Variants in SCN8A observed in about 807,000 individuals in gnomAD.
SCN8A encodes the protein sodium voltage-gated channel alpha subunit 8, also known as sodium channel protein type 8 subunit alpha.
Under a neutral mutation model 184.1 loss-of-function variants are expected in SCN8A, and 30 were observed. The observed-to-expected ratio is 0.16, with a 90% CI of 0.12 to 0.22. The LOEUF (loss-of-function observed/expected upper bound fraction) is 0.22. SCN8A is among the 10% of genes least tolerant of loss of function. The pLI is 1.00. For synonymous variants in SCN8A, 852 were observed against 907.0 expected, an observed-to-expected ratio of 0.94 and a Z score of 1.09; for missense variants, 1,057 against 2,498.9, an observed-to-expected ratio of 0.42 and a Z score of 12.30.
chr12:51,688,708 A>G (rs746440322), intron 5 of SCN8A: 2 of 1,351,394 alleles, frequency 1.5e-6, no homozygotes, highest in Non-Finnish European at 2.1e-6. Context: ...CCATTCTCAA[A>G]CCCTCGCCCA....
chr12:51,806,826 G>A lies in SCN8A; in HGVS notation c.5340G>A (p.Leu1780=). 1 of 1,614,218 alleles carries A rather than the reference G, an allele frequency of 6.2e-7. No homozygotes were observed. The highest frequency in any genetic ancestry group is 8.5e-7 in the Non-Finnish European group (1 of 1,180,038). Residue 1780 remains leucine (L), a synonymous_variant, in exon 27 of 27, where the codon CTG becomes CTA. Coordinates refer to ENST00000627620, the MANE Select transcript of SCN8A (RefSeq NM_001330260.2). The surrounding 1 kb of genome is among the most constrained non-coding windows in gnomAD (Gnocchi z 8.7). ...CCACAGAGGAAAGTGCAGACCCTCT[G>A]AGTGAGGATGACTTTGAGACCTTCT... is the stretch of plus-strand genomic sequence containing the variant. ...SVATEESADP[L]SEDDFETFYE...
chr12:51,758,474 G>T (rs1592146209), intron 14 of SCN8A, among the ~76,000 whole-genome samples: 2 of 152,212 alleles, frequency 1.3e-5, no homozygotes, highest in Non-Finnish European at 2.9e-5. Context: ...GTCTCACTCT[G>T]TCGCCCAGGC....
intron 11 of SCN8A, among the ~76,000 whole-genome samples, chr12:51,711,011 A>G (rs1220345923): frequency 6.6e-6 from 1 of 152,216 alleles, no homozygotes; most frequent in Non-Finnish European, 1.5e-5. Flanking sequence ...AGACTTTTAG[A>G]AATTTGATTT....
intron 24 of SCN8A, among the ~76,000 whole-genome samples, chr12:51,789,712 G>A (rs952173718): frequency 1.3e-5 from 2 of 152,180 alleles, no homozygotes; most frequent in Admixed American, 1.3e-4. Flanking sequence ...GAGCAACAGA[G>A]ATGAAAAGGA....
Position 51,699,892 on chromosome 12 carries a change from C to T in SCN8A, c.928+101C>T, listed in dbSNP as rs190513214. 2.9e-4 allele frequency: 277 copies of T among 962,466 alleles called. No individual in the cohort carries two copies. The African/African-American group carries it at 3.1e-3, about 11-fold the overall frequency. 59.6% of individuals were successfully genotyped at this position (962,466 alleles called of 1,614,324 possible). ...CTTAAAAAAGTAGTTGGAGGCCGGGCGCGGTGGCTCACTCCTATAATCCTA... is the reference window on the plus strand; with the variant it reads ...CTTAAAAAAGTAGTTGGAGGCCGGGTGCGGTGGCTCACTCCTATAATCCTA... On this transcript the variant is annotated intron_variant, in intron 7 of 26. Coordinates refer to ENST00000627620, the MANE Select transcript of SCN8A (RefSeq NM_001330260.2).
chr12:51,684,130 C>G, intron 2 of SCN8A, 44 bp from the exon 3 acceptor site: 2 of 927,722 alleles, frequency 2.2e-6, no homozygotes, highest in African/African-American at 1.6e-5. Context: ...TGTGGTGACT[C>G]ATACCCATGC....
chr12:51,783,426 A>G (rs1036792271), intron 21 of SCN8A, among the ~76,000 whole-genome samples: 22 of 152,206 alleles, frequency 1.4e-4, no homozygotes, highest in African/African-American at 5.1e-4. Flanking sequence ...GATGGGCTCA[A>G]CTGTCACTGT....
At chr12:51,789,897 C>T (rs1387787858) in intron 24 of SCN8A, among the ~76,000 whole-genome samples, 1 of 152,166 alleles carries the variant, frequency 6.6e-6, no homozygotes, top group East Asian at 1.9e-4. Flanking sequence ...AAAAATTGCT[C>T]GTTGCTCATT....
intron 14 of SCN8A, among the ~76,000 whole-genome samples, chr12:51,753,728 CTGGT>C (rs538277823): frequency 6.6e-6 from 1 of 152,270 alleles, no homozygotes; most frequent in South Asian, 2.1e-4. Context: ...CATGCCATCA[CTGGT>C]TGGGAAGATA....
intron 12 of SCN8A, 132 bp from the exon 13 acceptor site, chr12:51,745,771 T>G: frequency 3.5e-6 from 2 of 574,124 alleles, no homozygotes; most frequent in Non-Finnish European, 5.4e-6. Context: ...CTTCTTGAAG[T>G]GAATAGGACT....
intron 16 of SCN8A, chr12:51,766,275 C>T (rs1862667903): frequency 3.7e-6 from 2 of 546,924 alleles, no homozygotes; most frequent in South Asian, 4.7e-5. Context: ...GCAAACTCAG[C>T]AAAATTAAGT....
intron 14 of SCN8A, among the ~76,000 whole-genome samples, chr12:51,752,258 A>G (rs1474058031): frequency 6.6e-6 from 1 of 152,218 alleles, no homozygotes; most frequent in Non-Finnish European, 1.5e-5. Context: ...ATAGTAAAGA[A>G]TTAGTGAGAA....
At chr12:51,639,731 C>T (rs1787329471) in intron 1 of SCN8A, among the ~76,000 whole-genome samples, 1 of 151,728 alleles carries the variant, frequency 6.6e-6, no homozygotes, top group Admixed American at 6.6e-5. Context: ...CATTCTTCGG[C>T]AACCACCACC....
At chr12:51,730,782 C>A (rs1410679881) in intron 12 of SCN8A, among the ~76,000 whole-genome samples, 1 of 152,202 alleles carries the variant, frequency 6.6e-6, no homozygotes, top group African/African-American at 2.4e-5. Flanking sequence ...GTTGTACTAT[C>A]AAATACTAGC....
intron 13 of SCN8A, among the ~76,000 whole-genome samples, 174 bp downstream of exon 13, chr12:51,746,209 G>A (rs913171897): frequency 6.6e-6 from 1 of 152,122 alleles, no homozygotes; most frequent in South Asian, 2.1e-4. Flanking sequence ...AAATTTACAT[G>A]CAGAGAATCA....
At chr12:51,642,777 A>G (rs1171818795) in intron 1 of SCN8A, among the ~76,000 whole-genome samples, 3 of 151,304 alleles carry the variant, frequency 2.0e-5, no homozygotes, top group Admixed American at 6.6e-5. Context: ...GAGCACCACT[A>G]CAGCTACTTG....
At chr12:51,726,146 T>G (rs866023309) in intron 12 of SCN8A, among the ~76,000 whole-genome samples, 1 of 152,252 alleles carries the variant, frequency 6.6e-6, no homozygotes, top group South Asian at 2.1e-4. Context: ...GATTGAGTGT[T>G]GAGATTTTTT....
intron 1 of SCN8A, among the ~76,000 whole-genome samples, chr12:51,632,797 G>A (rs1330033525): frequency 6.6e-6 from 1 of 152,088 alleles, no homozygotes; most frequent in Non-Finnish European, 1.5e-5. Context: ...TCTTCCCAGC[G>A]CTTTTGAACA....
chr12:51,748,380 G>A (rs1198265507), intron 13 of SCN8A, among the ~76,000 whole-genome samples: 1 of 152,130 alleles, frequency 6.6e-6, no homozygotes, highest in Non-Finnish European at 1.5e-5. Flanking sequence ...TGCCTGCTCT[G>A]CCCCACCCCA....
Sources: gnomAD v4.1 joint callset for allele counts (sites outside exome capture counted in the v4.1 genomes callset) on GRCh38, gnomAD v4.1.1 for gene constraint, Gnocchi (gnomAD v3.1) non-coding constraint, MANE v1.5 for transcripts, NCBI Gene and HGNC (gene_info 2026-07-23, HGNC 2026-07-21) for gene names.